Variants in IL1RAPL2 observed in about 807,000 individuals in gnomAD.
IL1RAPL2 encodes the protein interleukin 1 receptor accessory protein like 2, also known as X-linked interleukin-1 receptor accessory protein-like 2.
IL1RAPL2 carries 3 observed loss-of-function variants against 44.1 expected under a neutral mutation model. That is an observed-to-expected ratio of 0.07 (90% CI 0.03 to 0.18). IL1RAPL2 has a LOEUF of 0.18. Among genes scored for constraint, IL1RAPL2 ranks in the 10% least tolerant of loss-of-function variants. The probability of loss-of-function intolerance (pLI) is 1.00; values close to 1 mark genes in which losing one functional copy is unlikely to be tolerated. For missense variants in IL1RAPL2, 391 were observed against 496.4 expected, an observed-to-expected ratio of 0.79 and a Z score of 2.02; for synonymous variants, 181 against 178.8, an observed-to-expected ratio of 1.01 and a Z score of -0.10.
intron 5 of IL1RAPL2, among the ~76,000 whole-genome samples, chrX:105,362,328 C>A (rs1278183698): frequency 1.8e-5 from 2 of 111,226 alleles, no homozygotes; most frequent in East Asian, 5.6e-4. Flanking sequence ...GTTCAAAGTT[C>A]TATTTAATTT....
rs905902935 is a variant in IL1RAPL2, at chrX:105,605,306, A to G, written c.773-112061A>G. On this transcript the variant is annotated intron_variant, in intron 6 of 10. Transcript: ENST00000372582. ...AAATCAATATCATTTCTATACACCA[A>G]TAATGAACTAGCAGGAAAAGAAATT... is the stretch of plus-strand genomic sequence containing the variant. Among the ~76,000 whole-genome samples, 3 of 111,661 alleles carry G rather than the reference A, an allele frequency of 2.7e-5. No individual in the cohort carries two copies. In the Admixed American group the frequency reaches 2.9e-4, roughly 11 times the overall value.
intron 2 of IL1RAPL2, among the ~76,000 whole-genome samples, chrX:104,787,153 C>T (rs1932803630): frequency 9.0e-6 from 1 of 111,017 alleles, no homozygotes; most frequent in Admixed American, 9.7e-5. Flanking sequence ...CAAAGTTCTG[C>T]CCCTCTTGGA....
intron 2 of IL1RAPL2, among the ~76,000 whole-genome samples, chrX:105,036,497 A>G (rs1052258547): frequency 5.4e-5 from 6 of 112,032 alleles, no homozygotes; most frequent in Middle Eastern, 9.3e-3. Flanking sequence ...AACATATACC[A>G]CATTTGGAAA....
intron 4 of IL1RAPL2, among the ~76,000 whole-genome samples, chrX:105,238,516 G>T (rs1396235953): frequency 9.1e-6 from 1 of 110,284 alleles, no homozygotes; most frequent in Non-Finnish European, 1.9e-5. Flanking sequence ...TTTTGTAAGG[G>T]TTAGAGTAGA....
chrX:105,188,166 G>A (rs1434807170), intron 2 of IL1RAPL2, among the ~76,000 whole-genome samples: 8 of 111,356 alleles, frequency 7.2e-5, no homozygotes, highest in African/African-American at 2.6e-4. Flanking sequence ...GAGGTGGTCA[G>A]TGAGAAGAGA....
intron 2 of IL1RAPL2, among the ~76,000 whole-genome samples, chrX:104,763,695 A>G (rs1050947346): frequency 3.6e-5 from 4 of 111,494 alleles, no homozygotes; most frequent in African/African-American, 1.3e-4. Flanking sequence ...TGCCAAGCAA[A>G]GAGGGAAAAG....
intron 2 of IL1RAPL2, among the ~76,000 whole-genome samples, chrX:104,747,416 G>T (rs1932192431): frequency 9.0e-6 from 1 of 111,280 alleles, no homozygotes; most frequent in East Asian, 2.9e-4. Context: ...ATTTGCTTCT[G>T]GGAATACAAT....
intron 5 of IL1RAPL2, among the ~76,000 whole-genome samples, chrX:105,278,271 A>G (rs960560811): frequency 5.4e-5 from 6 of 111,281 alleles, no homozygotes; most frequent in Non-Finnish European, 7.5e-5. Flanking sequence ...TTCTACTCCA[A>G]TGGCTCTCGT....
At chrX:105,353,804 G>T (rs894972013) in intron 5 of IL1RAPL2, among the ~76,000 whole-genome samples, 33 of 111,584 alleles carry the variant, frequency 3.0e-4, no homozygotes, top group African/African-American at 1.1e-3. Flanking sequence ...CTTTACTGAA[G>T]TTGCCTATCA....
At chrX:104,986,547 A>G in intron 2 of IL1RAPL2, among the ~76,000 whole-genome samples, 1 of 112,284 alleles carries the variant, frequency 8.9e-6, no homozygotes, top group South Asian at 3.7e-4. Context: ...AATATGGTTA[A>G]CTAGTTGCTT....
chrX:105,660,368 T>G (rs1317918305), intron 6 of IL1RAPL2, among the ~76,000 whole-genome samples: 1 of 110,627 alleles, frequency 9.0e-6, no homozygotes, highest in East Asian at 2.8e-4. Flanking sequence ...CTACAAGAAA[T>G]GCTAAAGAGA....
At chrX:104,977,086 C>G in intron 2 of IL1RAPL2, among the ~76,000 whole-genome samples, 1 of 111,700 alleles carries the variant, frequency 9.0e-6, no homozygotes. Flanking sequence ...TATGCCCTAA[C>G]TTATCTGATA....
intron 5 of IL1RAPL2, 84 bp downstream of exon 5, chrX:105,267,625 C>T: frequency 1.4e-6 from 1 of 725,861 alleles, no homozygotes; most frequent in East Asian, 3.4e-5. Context: ...TTCAAAGAGT[C>T]AACTTTCTGT....
intron 2 of IL1RAPL2, among the ~76,000 whole-genome samples, chrX:105,018,422 T>C (rs966070032): frequency 2.7e-5 from 3 of 111,684 alleles, no homozygotes; most frequent in South Asian, 3.7e-4. Context: ...CTCACTTCAG[T>C]TGCCTTCTCT....
At chrX:104,673,923 G>A (rs1350682288) in intron 2 of IL1RAPL2, among the ~76,000 whole-genome samples, 14 of 110,397 alleles carry the variant, frequency 1.3e-4, no homozygotes, top group Non-Finnish European at 2.3e-4. Flanking sequence ...GTATAAGAAT[G>A]CTTGTGATTT....
At chrX:104,882,361 A>T (rs1408408128) in intron 2 of IL1RAPL2, among the ~76,000 whole-genome samples, 1 of 112,307 alleles carries the variant, frequency 8.9e-6, no homozygotes, top group African/African-American at 3.2e-5. Flanking sequence ...ATTAATGTAG[A>T]AAATTAGTTG....
intron 2 of IL1RAPL2, among the ~76,000 whole-genome samples, chrX:104,784,179 G>A (rs2147604012): frequency 8.9e-6 from 1 of 112,160 alleles, no homozygotes; most frequent in Non-Finnish European, 1.9e-5. Context: ...TAACTTTACT[G>A]CATAATCTTA....
At chrX:104,720,421 T>C (rs1473809703) in intron 2 of IL1RAPL2, among the ~76,000 whole-genome samples, 1 of 111,865 alleles carries the variant, frequency 8.9e-6, no homozygotes. Flanking sequence ...TAAACATATT[T>C]ATTAAATTCT....
intron 6 of IL1RAPL2, among the ~76,000 whole-genome samples, chrX:105,521,929 A>G (rs1300242241): frequency 8.9e-6 from 1 of 112,111 alleles, no homozygotes; most frequent in Non-Finnish European, 1.9e-5. Flanking sequence ...AATTTTATTA[A>G]ATCTATTTTA....
Sources: gnomAD v4.1 joint callset for allele counts (sites outside exome capture counted in the v4.1 genomes callset) on GRCh38, gnomAD v4.1.1 for gene constraint, MANE v1.5 for transcripts, NCBI Gene and HGNC (gene_info 2026-07-23, HGNC 2026-07-21) for gene names.